Variants in PXDNL observed in about 807,000 individuals in gnomAD.
The protein encoded by PXDNL is peroxidasin like.
In PXDNL, 145 loss-of-function variants were observed where a neutral mutation model predicts 150.8. The observed-to-expected ratio is 0.96, with a 90% confidence interval of 0.84 to 1.10. PXDNL has a LOEUF of 1.10. PXDNL is among the 50% of genes least tolerant of loss of function. PXDNL has a pLI of 0.00. For missense variants in PXDNL, 2,087 were observed against 1,873.9 expected (o/e 1.11, Z -2.10); for synonymous variants, 757 against 725.7 (o/e 1.04, Z -0.69).
intron 1 of PXDNL, among the ~76,000 whole-genome samples, chr8:51,734,566 G>A (rs116999154): frequency 0.024 from 3,641 of 152,194 alleles, 57 homozygotes; most frequent in Middle Eastern, 0.055. Flanking sequence ...ATACAAGAGA[G>A]ATAAAAGACA....
intron 4 of PXDNL, among the ~76,000 whole-genome samples, chr8:51,511,390 T>C (rs926641274): frequency 4.6e-5 from 7 of 152,150 alleles, no homozygotes; most frequent in African/African-American, 7.2e-5. Flanking sequence ...TAATACAGCA[T>C]ACAATAGAGC....
At chr8:51,655,100 G>A (rs1264194721) in intron 1 of PXDNL, among the ~76,000 whole-genome samples, 2 of 152,160 alleles carry the variant, frequency 1.3e-5, no homozygotes, top group African/African-American at 4.8e-5. Context: ...CAATATGTCA[G>A]TTGAGTACAT....
At chr8:51,457,720 C>T (rs1270852031) in intron 8 of PXDNL, 53 bp from the exon 9 acceptor site, 1 of 1,434,212 alleles carries the variant, frequency 7.0e-7, no homozygotes, top group African/African-American at 1.4e-5. Flanking sequence ...ATGTTTAAAA[C>T]TCTTAACAAG....
intron 2 of PXDNL, among the ~76,000 whole-genome samples, chr8:51,645,104 G>A (rs1814888930): frequency 6.6e-6 from 1 of 152,136 alleles, no homozygotes. Flanking sequence ...CTGGCCGGCT[G>A]TTGGTGCAGA....
chr8:51,519,442 AG>A (rs1264495825), intron 4 of PXDNL, among the ~76,000 whole-genome samples: 2 of 152,174 alleles, frequency 1.3e-5, no homozygotes, highest in East Asian at 3.9e-4. Context: ...CTGAGACAGG[AG>A]AATTGCTTGA....
At position 51,426,712 on chromosome 8, in the gene PXDNL, A is replaced by T. The variant is rs1285711932; in HGVS notation, c.1572T>A (p.Val524=). The change falls in exon 13 of 23, where the codon GTT becomes GTA. Residue 524 remains valine, a synonymous_variant. Transcript: ENST00000356297. ...TQLPQDTSVE[V]GKNINISCHA... is the part of the protein sequence containing the mutation. Reference sequence around the variant, plus strand: ...GACATGAAATGTTTATATTCTTTCCAACCTCGACACTTGTATCCTGAGGAA... The same window carrying T: ...GACATGAAATGTTTATATTCTTTCCTACCTCGACACTTGTATCCTGAGGAA... The T allele has an allele frequency of 8.1e-6, 13 of 1,607,750 alleles. No individual in the cohort carries two copies. The highest frequency in any genetic ancestry group is 1.7e-5 in the Admixed American group (1 of 59,246).
Position 51,364,793 on chromosome 8 carries a change from TC to T in PXDNL, c.3901+7079del, listed in dbSNP as rs1806864990. On this transcript the variant is annotated intron_variant, in intron 19 of 22. Transcript: ENST00000356297. ...TATGGAGAAAATTAATAGGAAGACT[TC>T]ACTCTTCCAAATGGGCATCTTTTGT... Among the ~76,000 whole-genome samples, 3 of 152,174 alleles carry T rather than the reference TC, an allele frequency of 2.0e-5. No homozygotes were observed. The South Asian group carries it at 6.2e-4, about 32-fold the overall frequency.
chr8:51,743,452 G>T (rs1332921118), intron 1 of PXDNL, among the ~76,000 whole-genome samples: 1 of 152,046 alleles, frequency 6.6e-6, no homozygotes, highest in Non-Finnish European at 1.5e-5. Context: ...TGCGATCTTG[G>T]CTCACTGCAA....
At chr8:51,473,758 A>C (rs556806024) in intron 7 of PXDNL, among the ~76,000 whole-genome samples, 4 of 152,170 alleles carry the variant, frequency 2.6e-5, no homozygotes, top group Non-Finnish European at 5.9e-5. Flanking sequence ...AAAAAAAAAA[A>C]AAAAACAGTA....
At chr8:51,709,257 T>C (rs1563514202) in intron 1 of PXDNL, among the ~76,000 whole-genome samples, 1 of 151,974 alleles carries the variant, frequency 6.6e-6, no homozygotes, top group Non-Finnish European at 1.5e-5. Context: ...CAAATCCCTT[T>C]TTTTTTTTTC....
At chr8:51,766,680 TATA>T (rs1404370264) in intron 1 of PXDNL, among the ~76,000 whole-genome samples, 2 of 152,154 alleles carry the variant, frequency 1.3e-5, no homozygotes, top group African/African-American at 4.8e-5. Flanking sequence ...CTCCATGGTT[TATA>T]ATGAGAAATC....
Position 51,440,500 on chromosome 8 carries a change from C to G in PXDNL, c.1525+6504G>C, listed in dbSNP as rs1809517240. Among the ~76,000 whole-genome samples, 5 of 152,140 alleles carry G rather than the reference C, an allele frequency of 3.3e-5. No homozygotes were observed. In the South Asian group the frequency reaches 1.0e-3, roughly 32 times the overall value. On this transcript the variant is annotated intron_variant, in intron 12 of 22. Transcript: ENST00000356297. ...GTGGCAGTGACCTTTGGGGATATTACCAGTGAAACATCATGAATGAGTCCA... is the reference window on the plus strand; with the variant it reads ...GTGGCAGTGACCTTTGGGGATATTAGCAGTGAAACATCATGAATGAGTCCA...
chr8:51,768,968 G>A (rs2037261288), intron 1 of PXDNL, among the ~76,000 whole-genome samples: 1 of 152,176 alleles, frequency 6.6e-6, no homozygotes, highest in African/African-American at 2.4e-5. Flanking sequence ...TGGGAGTGGT[G>A]GTTGGCACCT....
chr8:51,333,054 A>G (rs1048522915), intron 21 of PXDNL, among the ~76,000 whole-genome samples: 6 of 152,328 alleles, frequency 3.9e-5, no homozygotes, highest in Admixed American at 3.9e-4. Context: ...TCCAAAGTTA[A>G]GATGAAGGAA....
intron 3 of PXDNL, among the ~76,000 whole-genome samples, chr8:51,576,869 A>G (rs1340636310): frequency 1.3e-5 from 2 of 151,930 alleles, no homozygotes; most frequent in Non-Finnish European, 2.9e-5. Flanking sequence ...CACAACAAAC[A>G]ATTCTACACA....
intron 3 of PXDNL, among the ~76,000 whole-genome samples, chr8:51,573,246 C>G (rs886118739): frequency 6.6e-6 from 1 of 151,898 alleles, no homozygotes; most frequent in Non-Finnish European, 1.5e-5. Flanking sequence ...ACCCAACACC[C>G]CCATAGCTGT....
intron 4 of PXDNL, among the ~76,000 whole-genome samples, chr8:51,541,804 C>A (rs1384758303): frequency 6.6e-6 from 1 of 152,226 alleles, no homozygotes; most frequent in East Asian, 1.9e-4. Context: ...CAGAGATCAC[C>A]CCGTGTGTCC....
chr8:51,603,403 G>A (rs1350423550), intron 2 of PXDNL, among the ~76,000 whole-genome samples: 1 of 151,856 alleles, frequency 6.6e-6, no homozygotes, highest in African/African-American at 2.4e-5. Context: ...ATCTTAGTAT[G>A]TTTTTGAAGT....
At chr8:51,334,744 C>A (rs967871684) in intron 21 of PXDNL, among the ~76,000 whole-genome samples, 1 of 152,032 alleles carries the variant, frequency 6.6e-6, no homozygotes, top group Non-Finnish European at 1.5e-5. Flanking sequence ...TCCTGGAATT[C>A]CTATCCATCC....
Sources: gnomAD v4.1 joint callset for allele counts (sites outside exome capture counted in the v4.1 genomes callset) on GRCh38, gnomAD v4.1.1 for gene constraint, MANE v1.5 for transcripts, NCBI Gene and HGNC (gene_info 2026-07-23, HGNC 2026-07-21) for gene names.